The following SULF1 variants were observed in gnomAD, a reference collection of about 807,000 sequenced individuals.
SULF1 encodes sulfatase 1.
Under a neutral mutation model 110.5 loss-of-function variants are expected in SULF1, and 46 were observed. The ratio of observed to expected loss-of-function variants is 0.42; its 90% confidence interval spans 0.33 to 0.53. The LOEUF (loss-of-function observed/expected upper bound fraction) is 0.53, where lower values mean the gene tolerates loss of function less well. SULF1 is among the 20% of genes least tolerant of loss of function. The pLI, the probability that SULF1 is intolerant of heterozygous loss-of-function variation, is 0.12. For missense variants in SULF1, 941 were observed against 1,094.2 expected, an observed-to-expected ratio of 0.86 and a Z score of 1.98; for synonymous variants, 371 against 387.1, an observed-to-expected ratio of 0.96 and a Z score of 0.49.
chr8:69,626,267 C>T (rs540969736), intron 15 of SULF1, among the ~76,000 whole-genome samples: 1 of 147,952 alleles, frequency 6.8e-6, no homozygotes, highest in Non-Finnish European at 1.5e-5. Context: ...AAAGGTTCTC[C>T]GAGGCCCCAC....
chr8:69,548,059 G>A (rs779488334), intron 3 of SULF1, among the ~76,000 whole-genome samples: 5 of 152,084 alleles, frequency 3.3e-5, no homozygotes, highest in Non-Finnish European at 5.9e-5. Flanking sequence ...CTAATAAACC[G>A]ATGATGCCCC....
At position 69,581,612 on chromosome 8, in the gene SULF1, G is replaced by A. The variant is rs117123769; in HGVS notation, c.413-4745G>A. Among the ~76,000 whole-genome samples, 30 of 152,318 alleles carry A rather than the reference G, an allele frequency of 2.0e-4. No homozygotes were observed. The East Asian group carries it at 4.2e-3, about 22-fold the overall frequency. On this transcript the variant is annotated intron_variant, in intron 6 of 22. Coordinates refer to ENST00000402687, the MANE Select transcript of SULF1 (RefSeq NM_001128205.2). The stretch of plus-strand genomic sequence containing the variant: ...GGAGTTGAATTGAATTGCCAATGCC[G>A]AAGGATAGAAAAATATTGAACTATA...
At chr8:69,471,246 G>A (rs1403562739) in intron 1 of SULF1, among the ~76,000 whole-genome samples, 1 of 152,026 alleles carries the variant, frequency 6.6e-6, no homozygotes, top group African/African-American at 2.4e-5. Context: ...GACTGGCCTG[G>A]TCCACTTTAA....
chr8:69,528,206 G>A (rs1009655202), intron 3 of SULF1, among the ~76,000 whole-genome samples: 1 of 152,146 alleles, frequency 6.6e-6, no homozygotes, highest in African/African-American at 2.4e-5. Context: ...ACCACCTGCT[G>A]TTCTTCTCTA....
Position 69,622,404 on chromosome 8 carries a change from C to G in SULF1, c.1594+1153C>G, listed in dbSNP as rs146453591. 3.0e-4 allele frequency among the ~76,000 whole-genome samples: 46 copies of G among 152,184 alleles called. 1 individual carries two copies. The East Asian group carries it at 8.3e-3, about 28-fold the overall frequency. Reference sequence around the variant, plus strand: ...GACCAGCCTGACCAAACTGGTGAAACGCCATCTCTACTAAAATTACAAAAA... The same window carrying G: ...GACCAGCCTGACCAAACTGGTGAAAGGCCATCTCTACTAAAATTACAAAAA... On this transcript the variant is annotated intron_variant, in intron 14 of 22. Coordinates refer to ENST00000402687, the MANE Select transcript of SULF1 (RefSeq NM_001128205.2).
At chr8:69,602,864 G>A (rs777906222) in intron 10 of SULF1, among the ~76,000 whole-genome samples, 9 of 152,240 alleles carry the variant, frequency 5.9e-5, no homozygotes, top group South Asian at 2.1e-4. Context: ...CTTGTTCAAC[G>A]GAAAAGTTAT....
At chr8:69,524,778 C>CAAGGGG (rs1812548595) in intron 3 of SULF1, among the ~76,000 whole-genome samples, 1 of 152,066 alleles carries the variant, frequency 6.6e-6, no homozygotes, top group Non-Finnish European at 1.5e-5. Flanking sequence ...CAGAAAGTAT[C>CAAGGGG]AAGGGGCCAA....
chr8:69,622,584 C>CA (rs749121767), intron 14 of SULF1, among the ~76,000 whole-genome samples: 4,808 of 133,630 alleles, frequency 0.036, 253 homozygotes, highest in African/African-American at 0.12. Context: ...GACTCCGTCT[C>CA]AAAAAAAAAA....
rs116187660 is a variant in SULF1 at position 69,478,164 on chromosome 8, C to A, written c.-391+11214C>A. The stretch of plus-strand genomic sequence containing the variant: ...CACTGTACCCAGCCTAAGCATTCTC[C>A]TTGAAACTAAAAAGAATGGTTGGAG... On this transcript the variant is annotated intron_variant, in intron 1 of 22. Coordinates refer to the SULF1 transcript ENST00000260128. Among the ~76,000 whole-genome samples, 1,478 of 152,256 alleles carry A rather than the reference C, an allele frequency of 9.7e-3. 26 individuals carry two copies. The highest frequency in any genetic ancestry group is 0.033 in the African/African-American group (1,382 of 41,556).
intron 8 of SULF1, among the ~76,000 whole-genome samples, chr8:69,591,606 C>T (rs973564804): frequency 2.6e-5 from 4 of 151,824 alleles, no homozygotes; most frequent in Non-Finnish European, 5.9e-5. Flanking sequence ...ATCTCTGATT[C>T]CAGTAATTAA....
At chr8:69,652,704 G>C (rs1414845459) in intron 22 of SULF1, among the ~76,000 whole-genome samples, 1 of 152,192 alleles carries the variant, frequency 6.6e-6, no homozygotes, top group African/African-American at 2.4e-5. Flanking sequence ...CTACTCTTGT[G>C]CCCATCACTG....
chr8:69,478,754 AT>A (rs1418094390), intron 1 of SULF1, among the ~76,000 whole-genome samples: 3 of 151,924 alleles, frequency 2.0e-5, no homozygotes, highest in Admixed American at 1.3e-4. Flanking sequence ...TATTCTCATC[AT>A]TTTTTTAAAT....
intron 22 of SULF1, chr8:69,642,503 C>A: frequency 1.6e-6 from 1 of 607,256 alleles, no homozygotes; most frequent in Non-Finnish European, 2.1e-6. Flanking sequence ...TAAGACAGAG[C>A]AGAAGACCCC....
chr8:69,538,943 G>A (rs941894981), intron 3 of SULF1, among the ~76,000 whole-genome samples: 5 of 152,088 alleles, frequency 3.3e-5, no homozygotes, highest in Admixed American at 2.0e-4. Context: ...TGCCGGCTTC[G>A]GCCTCCCAAA....
intron 12 of SULF1, among the ~76,000 whole-genome samples, chr8:69,604,354 TG>T (rs1478306170): frequency 6.6e-6 from 1 of 152,182 alleles, no homozygotes; most frequent in Non-Finnish European, 1.5e-5. Flanking sequence ...TTCTTTTCCT[TG>T]TGTGCCTTTC....
intron 1 of SULF1, among the ~76,000 whole-genome samples, chr8:69,494,858 T>G (rs1810219900): frequency 2.8e-5 from 4 of 141,476 alleles, no homozygotes; most frequent in Non-Finnish European, 1.5e-5. Flanking sequence ...TCAGCCTGGG[T>G]GACAAAGTGA....
chr8:69,564,204 CTCAGGATTA>C, intron 5 of SULF1, 57 bp downstream of exon 5: 9 of 1,590,912 alleles, frequency 5.7e-6, no homozygotes, highest in Non-Finnish European at 7.8e-6. Context: ...TTTCTCGAGT[CTCAGGATTA>C]TCAGGAGACA....
At chr8:69,497,360 G>C (rs2150565116) in intron 2 of SULF1, among the ~76,000 whole-genome samples, 1 of 151,994 alleles carries the variant, frequency 6.6e-6, no homozygotes, top group East Asian at 1.9e-4. Flanking sequence ...GTTTCACCAT[G>C]TTGGTCAGGC....
chr8:69,529,538 TGTGAATCA>T (rs1398036476), intron 3 of SULF1, among the ~76,000 whole-genome samples: 6 of 152,230 alleles, frequency 3.9e-5, no homozygotes, highest in Non-Finnish European at 8.8e-5. Flanking sequence ...ACACAGCTTC[TGTGAATCA>T]GGAATGTGGG....
Sources: gnomAD v4.1 joint callset for allele counts (sites outside exome capture counted in the v4.1 genomes callset) on GRCh38, gnomAD v4.1.1 for gene constraint, MANE v1.5 for transcripts, NCBI Gene and HGNC (gene_info 2026-07-23, HGNC 2026-07-21) for gene names.